ZFPM1: variants seen among roughly 807,000 people sequenced by gnomAD.
The protein encoded by ZFPM1 is zinc finger protein ZFPM1.
A neutral mutation model predicts 46.3 loss-of-function variants in ZFPM1; 28 were observed. The ratio of observed to expected loss-of-function variants is 0.60; its 90% CI spans 0.45 to 0.83. The LOEUF (loss-of-function observed/expected upper bound fraction) is 0.83, where lower values mean the gene tolerates loss of function less well. Among genes scored for constraint, ZFPM1 ranks in the 40% least tolerant of loss-of-function variants. The pLI is 0.00. For synonymous variants in ZFPM1, 957 were observed against 675.9 expected, an observed-to-expected ratio of 1.42 and a Z score of -6.45; for missense variants, 1,878 against 1,432.4, an observed-to-expected ratio of 1.31 and a Z score of -5.02.
At chr16:88,509,337 C>T (rs1416281717) in intron 3 of ZFPM1, among the ~76,000 whole-genome samples, 4 of 152,264 alleles carry the variant, frequency 2.6e-5, no homozygotes, top group African/African-American at 7.2e-5. Context: ...CCGGGCGGAG[C>T]GATGGGGCCG....
intron 4 of ZFPM1, among the ~76,000 whole-genome samples, chr16:88,525,800 C>A (rs1278610232): frequency 1.3e-5 from 2 of 152,256 alleles, no homozygotes; most frequent in African/African-American, 2.4e-5. Context: ...CAGCCCCCGA[C>A]TGCACTGGGA....
intron 1 of ZFPM1, among the ~76,000 whole-genome samples, chr16:88,478,456 A>G (rs181932400): frequency 1.5e-3 from 223 of 152,332 alleles, no homozygotes; most frequent in Non-Finnish European, 2.0e-3. Flanking sequence ...GTCTGCGTCT[A>G]CACAGCCGTT....
At chr16:88,494,256 G>A (rs560693015) in intron 3 of ZFPM1, among the ~76,000 whole-genome samples, 32 of 152,238 alleles carry the variant, frequency 2.1e-4, no homozygotes, top group African/African-American at 7.2e-4. Context: ...AGAGGCGGCC[G>A]AGCAGGGGCC....
At chr16:88,478,922 G>A (rs752437640) in intron 1 of ZFPM1, among the ~76,000 whole-genome samples, 1 of 152,238 alleles carries the variant, frequency 6.6e-6, no homozygotes, top group Non-Finnish European at 1.5e-5. Context: ...CCACATGGCA[G>A]TGGTGGCTCC....
rs1567525403 is a variant in ZFPM1, at chr16:88,460,946, CGAGGGG to C, written c.40+7269_40+7274del. Among the ~76,000 whole-genome samples the C allele has an allele frequency of 1.4e-3, 64 of 46,462 alleles. 2 individuals are homozygous for C. Among genetic ancestry groups the C allele is most frequent in the African/African-American group, 7.1e-3 (63 of 8,836 alleles). The allele number at this position is 46,462 out of a possible 152,430, so 30.5% of individuals were successfully genotyped here. The stretch of plus-strand genomic sequence containing the variant: ...GCGGGGCGGGAGGCCTGGTGATGAC[CGAGGGG>C]CGGGGCGGGAGGCCTGGTGAGGACC... On this transcript the variant is annotated intron_variant, in intron 1 of 9. Coordinates refer to ENST00000319555, the MANE Select transcript of ZFPM1 (RefSeq NM_153813.3).
At chr16:88,477,298 G>GAA (rs1233636483) in intron 1 of ZFPM1, among the ~76,000 whole-genome samples, 1 of 152,262 alleles carries the variant, frequency 6.6e-6, no homozygotes, top group Admixed American at 6.5e-5. Context: ...GCTGATGCTA[G>GAA]AAAGAGTAAG....
intron 4 of ZFPM1, among the ~76,000 whole-genome samples, chr16:88,524,232 C>T (rs549858162): frequency 6.6e-6 from 1 of 152,306 alleles, no homozygotes; most frequent in African/African-American, 2.4e-5. Flanking sequence ...AGGGCCAGGC[C>T]CCAGCAGCCT....
At chr16:88,488,371 G>A (rs763441205) in intron 2 of ZFPM1, among the ~76,000 whole-genome samples, 15 of 152,244 alleles carry the variant, frequency 9.9e-5, no homozygotes, top group East Asian at 1.9e-4. Context: ...ATAGCGTGGC[G>A]ATGGGCGCGA....
intron 1 of ZFPM1, among the ~76,000 whole-genome samples, chr16:88,454,582 T>C (rs1203372500): frequency 1.3e-5 from 2 of 152,226 alleles, no homozygotes; most frequent in Non-Finnish European, 2.9e-5. Context: ...CAGAGGCTGC[T>C]GCCCCGCCGC....
rs1005880673 is a variant in ZFPM1 at position 88,516,558 on chromosome 16, G to A, written c.402+2038G>A. Reference sequence around the variant, plus strand: ...TCCTTGATTAACCCTTATCTCCCCAGCGAGGCGCTATCTCCGCCTTGGCGC... The same window carrying A: ...TCCTTGATTAACCCTTATCTCCCCAACGAGGCGCTATCTCCGCCTTGGCGC... On this transcript the variant is annotated intron_variant, in intron 4 of 9. Transcript: ENST00000319555. 1.8e-5 allele frequency: 7 copies of A among 398,544 alleles called. No homozygotes were observed. The East Asian group carries it at 2.1e-4, about 12-fold the overall frequency. The allele number at this position is 398,544 out of a possible 1,614,324, so 24.7% of individuals were successfully genotyped here.
chr16:88,471,556 C>G lies in ZFPM1; in HGVS notation c.41-14383C>G, dbSNP rs994589818. Among the ~76,000 whole-genome samples the G allele has an allele frequency of 6.6e-6, 1 of 152,008 alleles. No homozygotes were observed. The highest frequency in any genetic ancestry group is 6.5e-5 in the Admixed American group (1 of 15,272). On this transcript the variant is annotated intron_variant, in intron 1 of 9. Transcript: ENST00000319555. The surrounding 1 kb of genome is among the most constrained non-coding windows in gnomAD (Gnocchi z 4.1). ...CAAGACCCCAAGATGACCATGGCTG[C>G]GGTGGCTCCTGCTCACAGTGGGGGA... is the stretch of plus-strand genomic sequence containing the variant.
chr16:88,516,376 G>T (rs1206088108), intron 4 of ZFPM1: 3 of 397,638 alleles, frequency 7.5e-6, no homozygotes, highest in Admixed American at 4.4e-5. Flanking sequence ...GGGGATACGG[G>T]CACGGGGTTA....
chr16:88,506,162 G>A (rs1910645507), intron 3 of ZFPM1, among the ~76,000 whole-genome samples: 1 of 152,130 alleles, frequency 6.6e-6, no homozygotes. Context: ...AGGCCAACAG[G>A]GGCCATGCCA....
At position 88,534,833 on chromosome 16, in the gene ZFPM1, A is replaced by G; in HGVS notation, c.2875A>G (p.Thr959Ala). 1.3e-6 allele frequency: 2 copies of G among 1,546,136 alleles called. No homozygotes were observed. Among genetic ancestry groups the G allele is most frequent in the Non-Finnish European group, 1.7e-6 (2 of 1,153,752 alleles). ...CTCCTACTCGGACAAGGGCGTCCAG[A>G]CTCCCAGCAAGGGCACGCCGGCGCC... ...PPSYSDKGVQ[T>A]PSKGTPAPLP... The change falls in exon 10 of 10, where the codon ACT becomes GCT. Residue 959 changes from threonine to alanine, a missense_variant. Physicochemically the swap from Thr to Ala is moderately conservative, Grantham distance 58. Coordinates refer to ENST00000319555, the MANE Select transcript of ZFPM1 (RefSeq NM_153813.3).
rs1488531003 is a variant in ZFPM1 at position 88,471,582 on chromosome 16, C to T, written c.41-14357C>T. Among the ~76,000 whole-genome samples the T allele has an allele frequency of 3.3e-5, 5 of 150,268 alleles. No homozygotes were observed. The highest frequency in any genetic ancestry group is 1.3e-4 in the Admixed American group (2 of 15,122). ...GGTGGCTCCTGCTCACAGTGGGGGACGCCAGGACCCCGAGATGATCGTGGC... is the reference window on the plus strand; with the variant it reads ...GGTGGCTCCTGCTCACAGTGGGGGATGCCAGGACCCCGAGATGATCGTGGC... On this transcript the variant is annotated intron_variant, in intron 1 of 9. Coordinates refer to ENST00000319555, the MANE Select transcript of ZFPM1 (RefSeq NM_153813.3). The surrounding 1 kb of genome is among the most constrained non-coding windows in gnomAD (Gnocchi z 4.1).
intron 1 of ZFPM1, among the ~76,000 whole-genome samples, chr16:88,474,775 C>T (rs972423567): frequency 1.3e-5 from 2 of 152,232 alleles, no homozygotes; most frequent in African/African-American, 2.4e-5. Context: ...TCATTTGCTC[C>T]GCTCTTAACG....
At chr16:88,498,693 G>T (rs79750369) in intron 3 of ZFPM1, among the ~76,000 whole-genome samples, 1 of 152,218 alleles carries the variant, frequency 6.6e-6, no homozygotes, top group South Asian at 2.1e-4. Context: ...TCCCGGAGCC[G>T]GGGGCACCCC....
In ZFPM1 at chr16:88,535,086, A is replaced by G; in HGVS notation, c.*107A>G. 7.7e-7 allele frequency: 1 copy of G among 1,300,466 alleles called. No homozygotes were observed. The highest frequency in any genetic ancestry group is 9.9e-7 in the Non-Finnish European group (1 of 1,012,828). The allele number at this position is 1,300,466 out of a possible 1,614,324, so 80.6% of individuals were successfully genotyped here. On this transcript the variant is annotated 3_prime_UTR_variant, in exon 10 of 10. Coordinates refer to ENST00000319555, the MANE Select transcript of ZFPM1 (RefSeq NM_153813.3). ...CGCTCCTGGGAACCCCGCCACGCAC[A>G]GGCCTCGGCGGAGGGGGCCGCAGGG... is the stretch of plus-strand genomic sequence containing the variant.
chr16:88,519,961 G>A (rs889123270), intron 4 of ZFPM1, among the ~76,000 whole-genome samples: 1 of 150,424 alleles, frequency 6.6e-6, no homozygotes. Flanking sequence ...ATGGATGGAT[G>A]GATGGATGGA....
Sources: gnomAD v4.1 joint callset for allele counts (sites outside exome capture counted in the v4.1 genomes callset) on GRCh38, gnomAD v4.1.1 for gene constraint, Gnocchi (gnomAD v3.1) non-coding constraint, MANE v1.5 for transcripts, NCBI Gene and HGNC (gene_info 2026-07-23, HGNC 2026-07-21) for gene names.